Variants in NF1 observed in about 807,000 individuals in gnomAD.
The protein encoded by NF1 is neurofibromin.
NF1 carries 122 observed loss-of-function variants against 325.7 expected under a neutral mutation model. The observed-to-expected ratio is 0.37, with a 90% CI of 0.32 to 0.44. The LOEUF is 0.44. NF1 is among the 20% of genes least tolerant of loss of function. The pLI is 1.00. For missense variants in NF1, 2,140 were observed against 3,415.4 expected (o/e 0.63, Z 9.31); for synonymous variants, 1,091 against 1,186.0 (o/e 0.92, Z 1.65).
chr17:31,224,516 CATT>C (rs2066979673), intron 16 of NF1, among the ~76,000 whole-genome samples: 1 of 152,118 alleles, frequency 6.6e-6, no homozygotes, highest in Admixed American at 6.5e-5. Context: ...TGGAATTTGG[CATT>C]ATTCCAAAGA....
intron 1 of NF1, chr17:31,138,515 G>GA (rs1915953840): frequency 6.6e-6 from 1 of 152,012 alleles, no homozygotes; most frequent in Non-Finnish European, 1.5e-5. Context: ...CCACCCGCCT[G>GA]GGCTTCTCAA....
At chr17:31,133,493 T>C (rs1322443824) in intron 1 of NF1, 1 of 152,198 alleles carries the variant, frequency 6.6e-6, no homozygotes, top group Non-Finnish European at 1.5e-5. Flanking sequence ...TTTGCATATG[T>C]ACCTAGAAGT....
intron 4 of NF1, among the ~76,000 whole-genome samples, chr17:31,166,251 G>A (rs183024029): frequency 5.2e-4 from 79 of 151,950 alleles, no homozygotes; most frequent in African/African-American, 1.7e-3. Context: ...GTTCGTTATG[G>A]TTTCTTACTC....
chr17:31,225,343 T>TA, intron 17 of NF1, 93 bp downstream of exon 17: 1 of 1,415,400 alleles, frequency 7.1e-7, no homozygotes. Context: ...TAATATAGTG[T>TA]AATAGTGAAA....
chr17:31,117,628 G>A (rs936795072), intron 1 of NF1, among the ~76,000 whole-genome samples: 1 of 122,622 alleles, frequency 8.2e-6, no homozygotes. Flanking sequence ...AGCCAAGACT[G>A]CGCCTCTGCA....
chr17:31,352,172 A>G, intron 50 of NF1, 85 bp from the exon 51 acceptor site: 1 of 1,290,482 alleles, frequency 7.7e-7, no homozygotes, highest in Non-Finnish European at 1.1e-6. Flanking sequence ...TTGTTAGGAA[A>G]TAGGACAGCC....
chr17:31,132,811 C>A (rs147468556), intron 1 of NF1, among the ~76,000 whole-genome samples: 1 of 151,908 alleles, frequency 6.6e-6, no homozygotes. Context: ...GGATTACAGG[C>A]GCTCGCCACC....
At chr17:31,260,292 C>T in intron 33 of NF1, 77 bp from the exon 34 acceptor site, 1 of 1,455,508 alleles carries the variant, frequency 6.9e-7, no homozygotes, top group Non-Finnish European at 9.6e-7. Flanking sequence ...CACAAAGTTA[C>T]TTCTTATAAA....
chr17:31,177,064 G>C (rs2066036992), intron 5 of NF1, among the ~76,000 whole-genome samples: 1 of 152,136 alleles, frequency 6.6e-6, no homozygotes, highest in African/African-American at 2.4e-5. Flanking sequence ...AGTTTGATGG[G>C]GATAGCATTG....
intron 30 of NF1, chr17:31,252,244 A>G (rs1417096768): frequency 1.9e-5 from 4 of 208,006 alleles, no homozygotes; most frequent in Non-Finnish European, 3.9e-5. Context: ...TAATAATATT[A>G]ATGCTTCTTA....
intron 5 of NF1, among the ~76,000 whole-genome samples, chr17:31,172,372 T>TC: frequency 6.9e-6 from 1 of 145,982 alleles, no homozygotes; most frequent in Non-Finnish European, 1.6e-5. Flanking sequence ...TCTCTCTCTC[T>TC]TTCTCTCTTT....
At chr17:31,354,070 C>T (rs1481872618) in intron 51 of NF1, among the ~76,000 whole-genome samples, 1 of 152,028 alleles carries the variant, frequency 6.6e-6, no homozygotes, top group Admixed American at 6.5e-5. Context: ...AAAAACTAAC[C>T]TCAGAAAAAA....
rs932559327 is a variant in NF1, at chr17:31,375,734, A to G, written c.*1579A>G. ...CAGCTAATTCAATAAATAATGGTAC[A>G]TTTAAGTGTTCTGATTTTAATAATA... On this transcript the variant is annotated 3_prime_UTR_variant, in exon 58 of 58. Transcript: ENST00000358273. The G allele has an allele frequency of 9.9e-5, 23 of 232,534 alleles. No homozygotes were observed. The highest frequency in any genetic ancestry group is 1.6e-4 in the Non-Finnish European group (19 of 117,470). 14.4% of individuals were successfully genotyped at this position (232,534 alleles called of 1,614,324 possible).
intron 31 of NF1, among the ~76,000 whole-genome samples, chr17:31,254,559 A>G (rs1435308494): frequency 1.3e-5 from 2 of 152,266 alleles, no homozygotes; most frequent in East Asian, 1.9e-4. Flanking sequence ...ATCATTGTTG[A>G]AATTAATTTG....
At chr17:31,296,531 G>A (rs774324682) in intron 36 of NF1, 4 of 597,250 alleles carry the variant, frequency 6.7e-6, no homozygotes, top group Non-Finnish European at 1.2e-5. Context: ...ATTGGGCTAT[G>A]TGGTAGAGAG....
chr17:31,098,279 G>A (rs994896378), intron 1 of NF1, among the ~76,000 whole-genome samples: 1 of 151,904 alleles, frequency 6.6e-6, no homozygotes, highest in Non-Finnish European at 1.5e-5. Flanking sequence ...GAAAAGTAGT[G>A]AATGCTTGAC....
chr17:31,322,184 A>G (rs1237958299), intron 36 of NF1, among the ~76,000 whole-genome samples: 1 of 152,030 alleles, frequency 6.6e-6, no homozygotes, highest in Non-Finnish European at 1.5e-5. Flanking sequence ...ACAGACTTTA[A>G]GAACTAGGTA....
chr17:31,291,873 A>G (rs2068349958), intron 36 of NF1, among the ~76,000 whole-genome samples: 1 of 152,204 alleles, frequency 6.6e-6, no homozygotes, highest in African/African-American at 2.4e-5. Context: ...ACATCCTTTC[A>G]TTCCCTTGCT....
intron 1 of NF1, among the ~76,000 whole-genome samples, chr17:31,095,690 C>T (rs1392417060): frequency 1.3e-5 from 2 of 152,142 alleles, no homozygotes; most frequent in South Asian, 2.1e-4. Flanking sequence ...CTGGGGGCGC[C>T]TTTAGGGGCG....
Sources: allele counts gnomAD v4.1 joint callset (sites outside exome capture counted in the v4.1 genomes callset), GRCh38; gene constraint gnomAD v4.1.1; transcripts MANE v1.5; gene names NCBI Gene and HGNC (gene_info 2026-07-23, HGNC 2026-07-21).